Variants in CEP350 observed in about 807,000 individuals in gnomAD.
CEP350 encodes the protein centrosomal protein 350.
CEP350 carries 126 observed loss-of-function variants against 331.8 expected under a neutral mutation model. The ratio of observed to expected loss-of-function variants is 0.38; its 90% CI spans 0.33 to 0.44. CEP350 has a LOEUF of 0.44. CEP350 is among the 20% of genes least tolerant of loss of function. CEP350 has a pLI of 1.00. For synonymous variants in CEP350, 1,200 were observed against 1,259.5 expected, an observed-to-expected ratio of 0.95 and a Z score of 1.00; for missense variants, 3,406 against 3,634.6, an observed-to-expected ratio of 0.94 and a Z score of 1.62.
chr1:179,986,352 T>C (rs1652645137), intron 2 of CEP350, 98 bp downstream of exon 2: 1 of 704,720 alleles, frequency 1.4e-6, no homozygotes, highest in South Asian at 2.2e-5. Context: ...ATGCTTTGAT[T>C]TATAGAAAGT....
intron 7 of CEP350, among the ~76,000 whole-genome samples, chr1:180,005,203 C>T (rs1243906477): frequency 1.3e-5 from 2 of 151,926 alleles, no homozygotes; most frequent in Non-Finnish European, 1.5e-5. Flanking sequence ...TCTGAACTCA[C>T]TTGTATCCAG....
chr1:180,105,066 T>C (rs907367492), intron 37 of CEP350, among the ~76,000 whole-genome samples: 3 of 152,012 alleles, frequency 2.0e-5, no homozygotes, highest in African/African-American at 7.2e-5. Flanking sequence ...CTGTCTTTCA[T>C]GAAACCAAAC....
chr1:180,044,824 T>TAAC (rs1258441762), intron 21 of CEP350, among the ~76,000 whole-genome samples: 2 of 147,528 alleles, frequency 1.4e-5, no homozygotes, highest in Admixed American at 1.4e-4. Context: ...ACTTAAAGTA[T>TAAC]AATAATAATA....
At chr1:180,097,600 CAT>C (rs1419859591) in intron 36 of CEP350, among the ~76,000 whole-genome samples, 1 of 152,044 alleles carries the variant, frequency 6.6e-6, no homozygotes, top group Non-Finnish European at 1.5e-5. Flanking sequence ...TTATTAATAA[CAT>C]TAAGTTGAGG....
chr1:180,037,652 T>A (rs1429434892), intron 17 of CEP350, among the ~76,000 whole-genome samples: 1 of 152,016 alleles, frequency 6.6e-6, no homozygotes, highest in East Asian at 1.9e-4. Context: ...ATGAGTTTAT[T>A]TATTTATTTA....
At chr1:179,964,539 A>G (rs534955218) in intron 1 of CEP350, among the ~76,000 whole-genome samples, 4 of 152,122 alleles carry the variant, frequency 2.6e-5, no homozygotes, top group African/African-American at 9.6e-5. Context: ...ATTTGTTTTT[A>G]TAACTGATTC....
chr1:180,056,074 TTTTGATACA>T (rs1657822107), intron 25 of CEP350, among the ~76,000 whole-genome samples: 1 of 152,172 alleles, frequency 6.6e-6, no homozygotes, highest in African/African-American at 2.4e-5. Flanking sequence ...AAATTTTTCA[TTTTGATACA>T]TCTGGTATTT....
intron 17 of CEP350, among the ~76,000 whole-genome samples, chr1:180,038,599 A>G (rs1336906705): frequency 1.3e-5 from 2 of 152,146 alleles, no homozygotes; most frequent in Admixed American, 6.5e-5. Context: ...GTAGTATCTC[A>G]TTGTGGTTGT....
chr1:180,110,975 C>A, intron 37 of CEP350, 22 bp from the exon 38 acceptor site: 1 of 1,607,266 alleles, frequency 6.2e-7, no homozygotes, highest in South Asian at 1.1e-5. Context: ...ATTTTCTAAC[C>A]TTATTGTCTT....
At chr1:180,087,864 G>T in intron 32 of CEP350, 147 bp downstream of exon 32, 1 of 905,062 alleles carries the variant, frequency 1.1e-6, no homozygotes. Context: ...AATTAAAATT[G>T]TTACATATTA....
chr1:179,996,677 C>T lies in CEP350; in HGVS notation c.520C>T (p.Arg174Trp), dbSNP rs751567537. Residue 174 changes from arginine to tryptophan, a missense_variant, in exon 6 of 38, where the codon CGG becomes TGG. Around this residue, in one of 5 missense-constraint regions of CEP350, gnomAD observed 1,857 missense variants for 1,909.2 expected, o/e 0.97. Coordinates refer to ENST00000367607, the MANE Select transcript of CEP350 (RefSeq NM_014810.5). ...GNWMIGSREE[R>W]NIRSCDFESS... ...CTGGATGATAGGCAGTCGAGAAGAACGGAATATACGGAGCTGTGATTTTGA... is the reference window on the plus strand; with the variant it reads ...CTGGATGATAGGCAGTCGAGAAGAATGGAATATACGGAGCTGTGATTTTGA... 18 of 1,613,392 alleles carry T rather than the reference C, an allele frequency of 1.1e-5. No individual in the cohort carries two copies. The highest frequency in any genetic ancestry group is 1.6e-4 in the Middle Eastern group (1 of 6,084).
At chr1:179,964,037 C>T (rs928358873) in intron 1 of CEP350, among the ~76,000 whole-genome samples, 1 of 152,028 alleles carries the variant, frequency 6.6e-6, no homozygotes, top group Non-Finnish European at 1.5e-5. Flanking sequence ...CTTTCACCTC[C>T]CTGGTTAAAT....
At chr1:180,034,945 A>G (rs1656254087) in intron 16 of CEP350, among the ~76,000 whole-genome samples, 1 of 152,236 alleles carries the variant, frequency 6.6e-6, no homozygotes, top group Non-Finnish European at 1.5e-5. Context: ...AGGGATGTCA[A>G]AAGCCAAGAT....
intron 30 of CEP350, among the ~76,000 whole-genome samples, chr1:180,082,146 T>C (rs1659609753): frequency 6.6e-6 from 1 of 152,238 alleles, no homozygotes; most frequent in Non-Finnish European, 1.5e-5. Flanking sequence ...GTTTCAACCA[T>C]CCTTGCATGA....
In CEP350 at chr1:180,114,091, G is replaced by A. The variant is rs749722258; in HGVS notation, c.*2930G>A. 18 of 152,550 alleles carry A rather than the reference G, an allele frequency of 1.2e-4. No individual in the cohort carries two copies. The highest frequency in any genetic ancestry group is 1.5e-4 in the Non-Finnish European group (10 of 68,018). 9.4% of individuals were successfully genotyped at this position (152,550 alleles called of 1,614,324 possible). On this transcript the variant is annotated 3_prime_UTR_variant, in exon 38 of 38. Transcript: ENST00000367607. ...CCTAAAAGAAAAGAAAATTCCTTCT[G>A]TGACTACAGGTCTCTGAGAAATTAT... is the stretch of plus-strand genomic sequence containing the variant.
At position 180,065,361 on chromosome 1, in the gene CEP350, T is replaced by C. The variant is rs922348475; in HGVS notation, c.5567+89T>C. 7.1e-6 allele frequency: 9 copies of C among 1,275,712 alleles called. No individual in the cohort carries two copies. The Admixed American group carries it at 9.4e-5, about 13-fold the overall frequency. The allele number at this position is 1,275,712 out of a possible 1,614,324, so 79.0% of individuals were successfully genotyped here. A position where few individuals can be genotyped will look rare whatever the true frequency, so the allele number is the denominator to read the frequency against. On this transcript the variant is annotated intron_variant, in intron 27 of 37. Coordinates refer to ENST00000367607, the MANE Select transcript of CEP350 (RefSeq NM_014810.5). ...TGTAATAATACTTCACTAGATTAGA[T>C]TGAGACAAAATATTTTATGGATTCA...
At chr1:179,983,242 C>CT (rs950758769) in intron 1 of CEP350, among the ~76,000 whole-genome samples, 7 of 149,490 alleles carry the variant, frequency 4.7e-5, no homozygotes, top group Admixed American at 6.7e-5. Context: ...AGTTTTGGAA[C>CT]TTTTTTTTTT....
In CEP350 at chr1:180,094,430, A is replaced by C; in HGVS notation, c.8325A>C (p.Lys2775Asn). ...TCAATCAACTACAACAAATCAAAAA[A>C]ACCAGGGATGAGAAAATCCAGCTTA... ...DTVNQLQQIK[K>N]TRDEKIQLSN... is the part of the protein sequence containing the mutation. The change falls in exon 34 of 38, where the codon AAA (lysine) becomes AAC (asparagine). Residue 2775 changes from lysine to asparagine, a missense_variant. This residue lies in a region of CEP350 where 1,415 missense variants were observed against 1,512.3 expected (regional missense o/e 0.94). Coordinates refer to ENST00000367607, the MANE Select transcript of CEP350 (RefSeq NM_014810.5). The C allele has an allele frequency of 1.2e-6, 2 of 1,613,868 alleles. No individual in the cohort carries two copies. Among genetic ancestry groups the C allele is most frequent in the Non-Finnish European group, 1.7e-6 (2 of 1,179,824 alleles).
At chr1:179,981,460 T>C (rs1652266691) in intron 1 of CEP350, among the ~76,000 whole-genome samples, 2 of 152,228 alleles carry the variant, frequency 1.3e-5, no homozygotes, top group South Asian at 2.1e-4. Context: ...ACTTTAAAGA[T>C]AGTAAACCTT....
Sources: gnomAD v4.1 joint callset for allele counts (sites outside exome capture counted in the v4.1 genomes callset) on GRCh38, gnomAD v4.1.1 for gene constraint, gnomAD v4.1.1 regional missense constraint, MANE v1.5 for transcripts, NCBI Gene and HGNC (gene_info 2026-07-23, HGNC 2026-07-21) for gene names.